PPIL4: variants seen among roughly 807,000 people sequenced by gnomAD.
PPIL4 encodes peptidyl-prolyl cis-trans isomerase-like 4.
In PPIL4, 50 loss-of-function variants were observed where a neutral mutation model predicts 69.1. The observed-to-expected ratio is 0.72, with a 90% CI of 0.58 to 0.92. PPIL4 has a LOEUF of 0.92. PPIL4 is among the 40% of genes least tolerant of loss of function. The pLI is 0.00. For synonymous variants in PPIL4, 193 were observed against 191.6 expected (o/e 1.01, Z -0.06); for missense variants, 480 against 587.9 (o/e 0.82, Z 1.90).
intron 7 of PPIL4, among the ~76,000 whole-genome samples, chr6:149,528,207 C>A (rs1303433463): frequency 1.3e-5 from 2 of 152,080 alleles, no homozygotes; most frequent in African/African-American, 4.8e-5. Context: ...TATGATCACA[C>A]CACTGCACTC....
Position 149,545,938 on chromosome 6 carries a change from C to T in PPIL4, c.68G>A (p.Arg23His). 4 of 1,585,932 alleles carry T rather than the reference C, an allele frequency of 2.5e-6. No individual in the cohort carries two copies. Among genetic ancestry groups the T allele is most frequent in the Non-Finnish European group, 3.4e-6 (4 of 1,163,612 alleles). The stretch of plus-strand genomic sequence containing the variant: ...GGTGAGTGGGGCTCAAGCCTCACCA[C>T]GCGGCCGTTCTTCGGTGTACAAGTC... Reference protein sequence around the residue: ...VIDLYTEERPRACLNFLKLCK... With the variant: ...VIDLYTEERPHACLNFLKLCK... The change falls in exon 1 of 13, where the codon CGT becomes CAT. Residue 23 changes from arginine to histidine, a missense_variant and splice_region_variant. Coordinates refer to ENST00000253329, the MANE Select transcript of PPIL4 (RefSeq NM_139126.4).
rs189360047 is a variant in PPIL4 at position 149,533,197 on chromosome 6, A to C, written c.678+261T>G. On this transcript the variant is annotated intron_variant, in intron 7 of 12. Transcript: ENST00000253329. ...AACACTCTTTAAGAATGAGATGAAT[A>C]TTAAACAACTGAAATTCAATTAATA... 2.1e-3 allele frequency among the ~76,000 whole-genome samples: 325 copies of C among 152,354 alleles called. 4 individuals are homozygous for C. Among genetic ancestry groups the C allele is most frequent in the Non-Finnish European group, 8.8e-4 (60 of 68,028 alleles).
Position 149,526,752 on chromosome 6 carries a change from T to C in PPIL4, c.703A>G (p.Ile235Val), listed in dbSNP as rs746588233. ...EMVGDLPDAD[I>V]KPPENVLFVC... ...AACAGTACATTTTCTGGAGGTTTAATATCTGCATCAGGTAGGTCTCCCACC... is the reference window on the plus strand; with the variant it reads ...AACAGTACATTTTCTGGAGGTTTAACATCTGCATCAGGTAGGTCTCCCACC... Residue 235 changes from isoleucine to valine, a missense_variant, in exon 8 of 13, where the codon ATT (isoleucine) becomes GTT (valine). Ile to Val is a conservative substitution (Grantham distance 29, BLOSUM62 3). Coordinates refer to ENST00000253329, the MANE Select transcript of PPIL4 (RefSeq NM_139126.4). 6.2e-7 allele frequency: 1 copy of C among 1,613,082 alleles called. No individual in the cohort carries two copies. The highest frequency in any genetic ancestry group is 8.5e-7 in the Non-Finnish European group (1 of 1,179,392).
At chr6:149,520,875 T>C (rs563578698) in intron 10 of PPIL4, among the ~76,000 whole-genome samples, 185 bp downstream of exon 10, 1 of 152,184 alleles carries the variant, frequency 6.6e-6, no homozygotes, top group South Asian at 2.1e-4. Flanking sequence ...TAGCTGGGCA[T>C]GGTGGCACAT....
chr6:149,537,705 CAAA>C (rs750622067), intron 4 of PPIL4, among the ~76,000 whole-genome samples: 1 of 130,068 alleles, frequency 7.7e-6, no homozygotes, highest in Admixed American at 7.9e-5. Flanking sequence ...GACTCCATCT[CAAA>C]AAAAAAAAAA....
At chr6:149,526,829 T>G in intron 7 of PPIL4, 53 bp from the exon 8 acceptor site, 1 of 1,548,256 alleles carries the variant, frequency 6.5e-7, no homozygotes, top group Non-Finnish European at 8.9e-7. Flanking sequence ...GTTTCCATTC[T>G]AAATCCTATC....
At chr6:149,532,458 T>A (rs1777213475) in intron 7 of PPIL4, among the ~76,000 whole-genome samples, 1 of 152,232 alleles carries the variant, frequency 6.6e-6, no homozygotes, top group Non-Finnish European at 1.5e-5. Context: ...TTAGAATTTG[T>A]CTTGGTGTTG....
intron 12 of PPIL4, among the ~76,000 whole-genome samples, chr6:149,510,467 G>A (rs113122514): frequency 0.027 from 4,108 of 152,232 alleles, 163 homozygotes; most frequent in African/African-American, 0.093. Context: ...AACAGGGCCG[G>A]GCGCGGTGGC....
chr6:149,513,105 G>A (rs984469506), intron 11 of PPIL4, among the ~76,000 whole-genome samples: 4 of 142,886 alleles, frequency 2.8e-5, no homozygotes, highest in Admixed American at 6.9e-5. Flanking sequence ...ATACATAAAA[G>A]CCAGGCGTGG....
chr6:149,537,636 G>A (rs1489583639), intron 4 of PPIL4, among the ~76,000 whole-genome samples: 3 of 151,852 alleles, frequency 2.0e-5, no homozygotes, highest in Admixed American at 2.0e-4. Flanking sequence ...GAATCTGGAG[G>A]TGGAGCTTGC....
At chr6:149,513,347 T>C (rs1776885163) in intron 11 of PPIL4, among the ~76,000 whole-genome samples, 1 of 119,092 alleles carries the variant, frequency 8.4e-6, no homozygotes, top group Non-Finnish European at 1.6e-5. Flanking sequence ...GTTGCACTAC[T>C]GCACTCCAGC....
At chr6:149,522,802 G>A (rs1253332224) in intron 9 of PPIL4, among the ~76,000 whole-genome samples, 7 of 151,950 alleles carry the variant, frequency 4.6e-5, no homozygotes, top group African/African-American at 1.2e-4. Flanking sequence ...TACTAGAGAC[G>A]GGGTTTCACC....
intron 6 of PPIL4, 137 bp from the exon 7 acceptor site, chr6:149,533,711 C>T (rs1777233255): frequency 1.6e-5 from 8 of 506,108 alleles, no homozygotes; most frequent in Admixed American, 7.4e-5. Context: ...GCTACAATCA[C>T]ACCACTGCAC....
At chr6:149,535,446 A>G (rs990726213) in intron 5 of PPIL4, 150 bp downstream of exon 5, 3 of 428,142 alleles carry the variant, frequency 7.0e-6, no homozygotes, top group African/African-American at 6.1e-5. Flanking sequence ...TATTATAAAG[A>G]TTCTTACAGT....
chr6:149,522,759 C>G (rs575959531), intron 9 of PPIL4, among the ~76,000 whole-genome samples: 1 of 152,090 alleles, frequency 6.6e-6, no homozygotes, highest in Non-Finnish European at 1.5e-5. Flanking sequence ...ACTACAGGCA[C>G]GCACCACCAT....
intron 4 of PPIL4, among the ~76,000 whole-genome samples, chr6:149,537,604 G>T (rs1777297333): frequency 2.0e-5 from 3 of 152,050 alleles, no homozygotes. Context: ...CTACTTGGGA[G>T]GCTGAGGCAG....
chr6:149,513,438 T>TATATATATATAC (rs747681212), intron 11 of PPIL4, among the ~76,000 whole-genome samples: 2 of 103,424 alleles, frequency 1.9e-5, no homozygotes, highest in Admixed American at 1.2e-4. Context: ...TATATATATA[T>TATATATATATAC]ACATATAAAA....
intron 7 of PPIL4, among the ~76,000 whole-genome samples, 190 bp downstream of exon 7, chr6:149,533,268 T>C (rs1777225832): frequency 6.6e-6 from 1 of 152,218 alleles, no homozygotes; most frequent in Admixed American, 6.5e-5. Context: ...CTTAGCACTA[T>C]ATTGACAGTA....
intron 7 of PPIL4, among the ~76,000 whole-genome samples, chr6:149,531,858 C>T (rs1224613261): frequency 2.6e-5 from 4 of 151,950 alleles, no homozygotes; most frequent in African/African-American, 9.7e-5. Context: ...TTAGTAGAGA[C>T]GGAGTTTCAC....
Sources: allele counts gnomAD v4.1 joint callset (sites outside exome capture counted in the v4.1 genomes callset), GRCh38; gene constraint gnomAD v4.1.1; transcripts MANE v1.5; gene names NCBI Gene and HGNC (gene_info 2026-07-23, HGNC 2026-07-21).